The following ZMYM2 variants were observed in gnomAD, a reference collection of about 807,000 sequenced individuals.
ZMYM2 encodes zinc finger MYM-type containing 2.
ZMYM2 carries 56 observed loss-of-function variants against 162.8 expected under a neutral mutation model. That is an observed-to-expected ratio of 0.34 (90% CI 0.28 to 0.43). The LOEUF (loss-of-function observed/expected upper bound fraction) is 0.43, where lower values mean the gene tolerates loss of function less well. Ranked by LOEUF, ZMYM2 falls within the 20% of genes least tolerant of loss-of-function variation. The pLI is 1.00. For synonymous variants in ZMYM2, 510 were observed against 541.6 expected (o/e 0.94, Z 0.81); for missense variants, 1,275 against 1,621.8 (o/e 0.79, Z 3.67).
chr13:19,982,271 T>C (rs1388400002), intron 2 of ZMYM2, among the ~76,000 whole-genome samples: 1 of 146,318 alleles, frequency 6.8e-6, no homozygotes, highest in African/African-American at 2.6e-5. Flanking sequence ...CTGAGTTGTC[T>C]ATTAGCTGTC....
chr13:20,055,004 T>C (rs981993819), intron 14 of ZMYM2, among the ~76,000 whole-genome samples: 7 of 151,972 alleles, frequency 4.6e-5, no homozygotes, highest in Non-Finnish European at 8.8e-5. Flanking sequence ...TTGTTTTTTT[T>C]TTTTTTTTCC....
In ZMYM2 at chr13:19,965,213, T is replaced by G. The variant is rs765596958; in HGVS notation, c.-11+5187T>G. ...ATACAGTGAGACAAATTCTTTTTACTTTATAGCCATACATGTGTATATTAC... is the reference window on the plus strand; with the variant it reads ...ATACAGTGAGACAAATTCTTTTTACGTTATAGCCATACATGTGTATATTAC... On this transcript the variant is annotated intron_variant, in intron 2 of 24. Coordinates refer to ENST00000610343, the MANE Select transcript of ZMYM2 (RefSeq NM_197968.4). 6.2e-6 allele frequency: 8 copies of G among 1,280,238 alleles called. No homozygotes were observed. In the South Asian group the frequency reaches 9.1e-5, roughly 15 times the overall value. 79.3% of individuals were successfully genotyped at this position (1,280,238 alleles called of 1,614,324 possible). A position where few individuals can be genotyped will look rare whatever the true frequency, so the allele number is the denominator to read the frequency against.
chr13:20,003,203 G>A, intron 4 of ZMYM2, 68 bp downstream of exon 4: 1 of 1,500,530 alleles, frequency 6.7e-7, no homozygotes, highest in Non-Finnish European at 8.9e-7. Context: ...TAAGAAAAGT[G>A]AAACAGATTT....
intron 20 of ZMYM2, 105 bp downstream of exon 20, chr13:20,067,124 T>C (rs1386763214): frequency 1.5e-6 from 2 of 1,379,142 alleles, no homozygotes; most frequent in Non-Finnish European, 1.9e-6. Context: ...AAAATACCTG[T>C]AAGAATGCAT....
At chr13:19,894,460 C>T in the ZMYM2 span, among the ~76,000 whole-genome samples, 1 of 151,636 alleles carries the variant, frequency 6.6e-6, no homozygotes. Flanking sequence ...ATTCTTCTGC[C>T]TCAACCTCCC....
intron 2 of ZMYM2, among the ~76,000 whole-genome samples, chr13:19,968,240 C>T (rs1197932187): frequency 7.2e-5 from 11 of 152,114 alleles, no homozygotes; most frequent in Admixed American, 4.6e-4. Flanking sequence ...CACTTCCCCT[C>T]GCTAGACTTT....
intron 7 of ZMYM2, chr13:20,024,986 T>G (rs1409323661): frequency 9.3e-6 from 2 of 214,366 alleles, no homozygotes; most frequent in African/African-American, 4.5e-5. Context: ...CTATGTTTTC[T>G]TATACTTTTT....
chr13:19,884,224 C>G, the ZMYM2 span, among the ~76,000 whole-genome samples: 3 of 152,002 alleles, frequency 2.0e-5, no homozygotes, highest in African/African-American at 7.2e-5. Context: ...TAAAAATTAG[C>G]CAAGCACAGT....
At chr13:20,074,428 G>T (rs1566460341) in intron 21 of ZMYM2, among the ~76,000 whole-genome samples, 1 of 151,960 alleles carries the variant, frequency 6.6e-6, no homozygotes. Context: ...TAGAGATGGG[G>T]TTTCGCCATG....
At chr13:19,953,283 G>T in the ZMYM2 span, among the ~76,000 whole-genome samples, 1 of 152,168 alleles carries the variant, frequency 6.6e-6, no homozygotes, top group Non-Finnish European at 1.5e-5. Context: ...TCCAGGCATT[G>T]TTAATAAGCT....
chr13:19,909,994 T>A, the ZMYM2 span, among the ~76,000 whole-genome samples: 1 of 149,792 alleles, frequency 6.7e-6, no homozygotes, highest in African/African-American at 2.5e-5. Flanking sequence ...GGCGGGCGGA[T>A]CACGAGGTCA....
At chr13:20,082,748 A>G in intron 22 of ZMYM2, 33 bp from the exon 23 acceptor site, 1 of 1,463,006 alleles carries the variant, frequency 6.8e-7, no homozygotes, top group Non-Finnish European at 9.1e-7. Flanking sequence ...TTTATTTATT[A>G]TAATTCTTTT....
the ZMYM2 span, among the ~76,000 whole-genome samples, chr13:19,873,288 C>T: frequency 2.0e-5 from 3 of 152,142 alleles, no homozygotes; most frequent in African/African-American, 7.2e-5. Flanking sequence ...TCTTAGGTCT[C>T]CTTCAATCTG....
chr13:20,048,587 G>T (rs1030254385), intron 12 of ZMYM2, among the ~76,000 whole-genome samples: 16 of 151,922 alleles, frequency 1.1e-4, no homozygotes, highest in African/African-American at 3.6e-4. Context: ...GAAATAGGGA[G>T]CAAATGGATA....
At chr13:19,944,206 T>C in the ZMYM2 span, among the ~76,000 whole-genome samples, 1 of 152,170 alleles carries the variant, frequency 6.6e-6, no homozygotes, top group Admixed American at 6.6e-5. Context: ...AATCAAAACA[T>C]TACCCCTTGC....
At chr13:19,967,663 C>T (rs140904863) in intron 2 of ZMYM2, among the ~76,000 whole-genome samples, 49 of 152,264 alleles carry the variant, frequency 3.2e-4, no homozygotes, top group Non-Finnish European at 7.1e-4. Context: ...CGATATCAGG[C>T]AAGTCATGTA....
the ZMYM2 span, among the ~76,000 whole-genome samples, chr13:19,898,237 CTT>C: frequency 1.1e-4 from 16 of 145,044 alleles, no homozygotes; most frequent in African/African-American, 3.0e-4. Context: ...AGAACACACT[CTT>C]TTTTTTTTTT....
intron 2 of ZMYM2, among the ~76,000 whole-genome samples, chr13:19,971,244 G>GTGTGTGTATATATATATATATATA (rs5802035): frequency 8.0e-5 from 4 of 50,116 alleles, no homozygotes; most frequent in Non-Finnish European, 1.2e-4. Flanking sequence ...GTGTGTGTGT[G>GTGTGTGTATATATATATATATATA]TATATATATA....
chr13:19,863,847 C>T, the ZMYM2 span: 2 of 152,328 alleles, frequency 1.3e-5, no homozygotes, highest in Non-Finnish European at 2.9e-5. Context: ...TGCAGTTCCA[C>T]TCCCGCCTGC....
Sources: gnomAD v4.1 joint callset for allele counts (sites outside exome capture counted in the v4.1 genomes callset) on GRCh38, gnomAD v4.1.1 for gene constraint, MANE v1.5 for transcripts, NCBI Gene and HGNC (gene_info 2026-07-23, HGNC 2026-07-21) for gene names.